The following FBXL17 variants were observed in gnomAD, a reference collection of about 807,000 sequenced individuals.
FBXL17 encodes the protein F-box and leucine rich repeat protein 17.
A neutral mutation model predicts 66.2 loss-of-function variants in FBXL17; 22 were observed. The observed-to-expected ratio is 0.33, with a 90% CI of 0.24 to 0.47. The LOEUF is 0.47. Ranked by LOEUF, FBXL17 falls within the 20% of genes least tolerant of loss-of-function variation. The probability of loss-of-function intolerance (pLI) is 1.00; values close to 1 mark genes in which losing one functional copy is unlikely to be tolerated. For missense variants in FBXL17, 878 were observed against 948.2 expected (o/e 0.93, Z 0.97); for synonymous variants, 474 against 400.5 (o/e 1.18, Z -2.19).
intron 4 of FBXL17, among the ~76,000 whole-genome samples, chr5:108,333,389 T>TA (rs1249619145): frequency 6.6e-6 from 1 of 152,006 alleles, no homozygotes; most frequent in Non-Finnish European, 1.5e-5. Context: ...ATTACTACGT[T>TA]AAAAAATCAC....
In FBXL17 at chr5:107,885,877, C is replaced by A. The variant is rs558420221; in HGVS notation, c.1823-4698G>T. 7.2e-5 allele frequency among the ~76,000 whole-genome samples: 11 copies of A among 152,060 alleles called. No homozygotes were observed. In the South Asian group the frequency reaches 2.1e-3, roughly 29 times the overall value. On this transcript the variant is annotated intron_variant, in intron 7 of 8. Coordinates refer to ENST00000542267, the MANE Select transcript of FBXL17 (RefSeq NM_001163315.3). ...GGAAGAAGAGAGAGAAGAAAAGATA[C>A]TTCTTGTAATAGCTCTTTTTATATA...
intron 6 of FBXL17, among the ~76,000 whole-genome samples, chr5:108,025,573 T>G (rs1183683312): frequency 6.6e-6 from 1 of 152,064 alleles, no homozygotes; most frequent in Non-Finnish European, 1.5e-5. Context: ...TTTGGGGTTT[T>G]AGAAATAGAA....
At chr5:108,070,671 C>A (rs1034620767) in intron 6 of FBXL17, among the ~76,000 whole-genome samples, 1 of 152,106 alleles carries the variant, frequency 6.6e-6, no homozygotes, top group African/African-American at 2.4e-5. Context: ...ATAAAGATAT[C>A]CAAGTTAATG....
At chr5:107,978,126 A>T (rs1752656344) in intron 7 of FBXL17, among the ~76,000 whole-genome samples, 1 of 151,668 alleles carries the variant, frequency 6.6e-6, no homozygotes, top group South Asian at 2.1e-4. Context: ...TAATGCTGAC[A>T]CTGCTGGATA....
chr5:108,005,345 T>C (rs1433606202), intron 7 of FBXL17, among the ~76,000 whole-genome samples: 1 of 152,190 alleles, frequency 6.6e-6, no homozygotes, highest in African/African-American at 2.4e-5. Context: ...AGCACTGTCA[T>C]CCTTTCATAT....
At chr5:108,349,229 T>C (rs1237848861) in intron 3 of FBXL17, among the ~76,000 whole-genome samples, 2 of 152,242 alleles carry the variant, frequency 1.3e-5, no homozygotes, top group East Asian at 1.9e-4. Flanking sequence ...AAAATGTATG[T>C]AAGTTTTTAT....
chr5:108,088,186 G>A lies in FBXL17; in HGVS notation c.1746-67185C>T, dbSNP rs1219646618. ...GAAAAGATCACACCTGGGATTGTAG[G>A]TTTTCTTTACAACTAATATATTTAA... On this transcript the variant is annotated intron_variant, in intron 6 of 8. Coordinates refer to ENST00000542267, the MANE Select transcript of FBXL17 (RefSeq NM_001163315.3). Among the ~76,000 whole-genome samples the A allele has an allele frequency of 2.0e-5, 3 of 152,114 alleles. No homozygotes were observed. In the East Asian group the frequency reaches 5.8e-4, roughly 29 times the overall value.
In FBXL17 at chr5:108,381,283, G is replaced by C; in HGVS notation, c.409C>G (p.Pro137Ala). The change falls in exon 1 of 9, where the codon CCC becomes GCC. Residue 137 changes from proline to alanine, a missense_variant. Physicochemically the swap from Pro to Ala is conservative, Grantham distance 27. This residue lies in a region of FBXL17 where 605 missense variants were observed against 509.5 expected (regional missense o/e 1.19). Transcript: ENST00000542267. Reference sequence around the variant, plus strand: ...CCCAACTCTTTGCAGCAGGAGGCGGGCGACGAAGCCGAGGCGGCAGCGGCG... The same window carrying C: ...CCCAACTCTTTGCAGCAGGAGGCGGCCGACGAAGCCGAGGCGGCAGCGGCG... Reference protein sequence around the residue: ...AAAAAASASSPASCCKELGLA... With the variant: ...AAAAAASASSAASCCKELGLA... The C allele has an allele frequency of 7.1e-7, 1 of 1,417,566 alleles. No homozygotes were observed. The highest frequency in any genetic ancestry group is 3.0e-5 in the Admixed American group (1 of 33,660). The allele number at this position is 1,417,566 out of a possible 1,614,324, so 87.8% of individuals were successfully genotyped here. A position where few individuals can be genotyped will look rare whatever the true frequency, so the allele number is the denominator to read the frequency against.
chr5:107,960,594 G>C (rs896695190), intron 7 of FBXL17, among the ~76,000 whole-genome samples: 1 of 152,140 alleles, frequency 6.6e-6, no homozygotes, highest in Admixed American at 6.5e-5. Context: ...AGATCATGCA[G>C]TATTTGTCTT....
chr5:108,168,977 A>C (rs761103078), intron 6 of FBXL17, among the ~76,000 whole-genome samples: 3 of 152,234 alleles, frequency 2.0e-5, no homozygotes, highest in Non-Finnish European at 4.4e-5. Context: ...GTAGCATTGT[A>C]AAGTTATTGT....
chr5:107,910,607 C>T (rs1449074130), intron 7 of FBXL17, among the ~76,000 whole-genome samples: 24 of 151,896 alleles, frequency 1.6e-4, no homozygotes, highest in Admixed American at 1.5e-3. Flanking sequence ...TGGAAAGAGG[C>T]AAAATGATCA....
intron 7 of FBXL17, among the ~76,000 whole-genome samples, chr5:107,931,417 G>A (rs58166373): frequency 0.013 from 2,043 of 151,730 alleles, 46 homozygotes; most frequent in African/African-American, 0.047. Flanking sequence ...GTGTCACCAC[G>A]CCTGGCTAAT....
intron 6 of FBXL17, among the ~76,000 whole-genome samples, chr5:108,107,964 C>T (rs1375586792): frequency 1.3e-5 from 2 of 152,064 alleles, no homozygotes; most frequent in South Asian, 2.1e-4. Flanking sequence ...CCTGTTGGCT[C>T]GCACCCCAAC....
chr5:107,940,332 G>A (rs1348679177), intron 7 of FBXL17, among the ~76,000 whole-genome samples: 1 of 152,070 alleles, frequency 6.6e-6, no homozygotes, highest in Non-Finnish European at 1.5e-5. Flanking sequence ...AGTAAGGCCT[G>A]AATCCAACTA....
Position 108,137,774 on chromosome 5 carries a change from C to T in FBXL17, c.1745+48343G>A, listed in dbSNP as rs1288567169. 2.6e-5 allele frequency among the ~76,000 whole-genome samples: 4 copies of T among 152,106 alleles called. 1 individual carries two copies. The highest frequency in any genetic ancestry group is 5.9e-5 in the Non-Finnish European group (4 of 68,022). On this transcript the variant is annotated intron_variant, in intron 6 of 8. Transcript: ENST00000542267. ...GGACCACCTACACATTTATTTCATA[C>T]AATGTTTCTTGAACAAAATGAAACC...
chr5:108,245,999 T>C (rs1254846212), intron 4 of FBXL17, among the ~76,000 whole-genome samples: 1 of 152,174 alleles, frequency 6.6e-6, no homozygotes, highest in Non-Finnish European at 1.5e-5. Flanking sequence ...ATCCAGTGCT[T>C]TGATTTGGAC....
intron 6 of FBXL17, among the ~76,000 whole-genome samples, chr5:108,136,913 A>C (rs2149982005): frequency 6.6e-6 from 1 of 152,282 alleles, no homozygotes; most frequent in Non-Finnish European, 1.5e-5. Flanking sequence ...TTAACTTATT[A>C]ATTACTTCAA....
intron 5 of FBXL17, among the ~76,000 whole-genome samples, chr5:108,193,299 G>C (rs997054517): frequency 6.6e-6 from 1 of 152,138 alleles, no homozygotes; most frequent in African/African-American, 2.4e-5. Flanking sequence ...AGAGAGAAGG[G>C]TCAGAGAAAG....
chr5:107,909,134 C>T (rs879166838), intron 7 of FBXL17, among the ~76,000 whole-genome samples: 1 of 152,156 alleles, frequency 6.6e-6, no homozygotes, highest in African/African-American at 2.4e-5. Flanking sequence ...GAATTCTATA[C>T]TGTGAATCAA....
Sources: gnomAD v4.1 joint callset for allele counts (sites outside exome capture counted in the v4.1 genomes callset) on GRCh38, gnomAD v4.1.1 for gene constraint, gnomAD v4.1.1 regional missense constraint, MANE v1.5 for transcripts, NCBI Gene and HGNC (gene_info 2026-07-23, HGNC 2026-07-21) for gene names.